Variants in FHIT observed in about 807,000 individuals in gnomAD.
FHIT encodes bis(5'-adenosyl)-triphosphatase.
Under a neutral mutation model 17.9 loss-of-function variants are expected in FHIT, and 19 were observed. That is an observed-to-expected ratio of 1.06 (90% CI 0.74 to 1.56). The LOEUF (loss-of-function observed/expected upper bound fraction) is 1.56, where lower values mean the gene tolerates loss of function less well. FHIT is among the 40% of genes most tolerant of loss of function. The pLI, the probability that FHIT is intolerant of heterozygous loss-of-function variation, is 0.00. For missense variants in FHIT, 248 were observed against 189.2 expected (o/e 1.31, Z -1.82); for synonymous variants, 81 against 69.7 (o/e 1.16, Z -0.81).
At chr3:60,930,038 C>T (rs1315086672) in intron 3 of FHIT, among the ~76,000 whole-genome samples, 4 of 152,128 alleles carry the variant, frequency 2.6e-5, no homozygotes, top group African/African-American at 9.7e-5. Flanking sequence ...TGGAACAGAA[C>T]AGAGCCCTCA....
intron 3 of FHIT, among the ~76,000 whole-genome samples, chr3:61,022,679 G>A (rs544152192): frequency 2.0e-5 from 3 of 152,324 alleles, no homozygotes; most frequent in Middle Eastern, 3.4e-3. Context: ...GGGATGCAAG[G>A]ATGGTTCAAT....
At chr3:61,014,785 A>AG (rs2031994297) in intron 3 of FHIT, among the ~76,000 whole-genome samples, 1 of 87,154 alleles carries the variant, frequency 1.1e-5, no homozygotes, top group African/African-American at 4.5e-5. Flanking sequence ...GCCTCAAAAA[A>AG]AAAAAAAAAA....
Position 60,428,570 on chromosome 3 carries a change from C to A in FHIT, c.103+108290G>T, listed in dbSNP as rs184223170. Among the ~76,000 whole-genome samples the A allele has an allele frequency of 1.4e-4, 21 of 152,228 alleles. No individual in the cohort carries two copies. The East Asian group carries it at 3.3e-3, about 24-fold the overall frequency. The stretch of plus-strand genomic sequence containing the variant: ...CCTTCTTTCTGTGAACACTGACTAC[C>A]ACATTCAGCAATAAACATTGATAAA... On this transcript the variant is annotated intron_variant, in intron 5 of 9. Coordinates refer to ENST00000492590, the MANE Select transcript of FHIT (RefSeq NM_002012.4).
Position 60,561,670 on chromosome 3 carries a change from T to C in FHIT, c.-17-24691A>G, listed in dbSNP as rs537719572. On this transcript the variant is annotated intron_variant, in intron 4 of 9. Coordinates refer to ENST00000492590, the MANE Select transcript of FHIT (RefSeq NM_002012.4). The stretch of plus-strand genomic sequence containing the variant: ...CTTTGTAGTTCTGACACCATTCAAA[T>C]AGAAATGGGAGCCAGAGATAGAAGG... Among the ~76,000 whole-genome samples, 4 of 152,220 alleles carry C rather than the reference T, an allele frequency of 2.6e-5. No individual in the cohort carries two copies. The South Asian group carries it at 6.2e-4, about 24-fold the overall frequency.
In FHIT at chr3:60,311,514, T is replaced by C. The variant is rs190226144; in HGVS notation, c.103+225346A>G. On this transcript the variant is annotated intron_variant, in intron 5 of 9. Coordinates refer to ENST00000492590, the MANE Select transcript of FHIT (RefSeq NM_002012.4). Reference sequence around the variant, plus strand: ...TGTGTTTTTCCAAACACAAGACTGCTTAATATTCTGAGTGTATATTAGGCA... The same window carrying C: ...TGTGTTTTTCCAAACACAAGACTGCCTAATATTCTGAGTGTATATTAGGCA... Among the ~76,000 whole-genome samples the C allele has an allele frequency of 1.3e-3, 192 of 152,344 alleles. 4 individuals carry two copies. Among genetic ancestry groups the C allele is most frequent in the Admixed American group, 0.011 (167 of 15,296 alleles).
At chr3:60,998,419 T>C (rs2030825704) in intron 3 of FHIT, among the ~76,000 whole-genome samples, 1 of 152,222 alleles carries the variant, frequency 6.6e-6, no homozygotes, top group Non-Finnish European at 1.5e-5. Context: ...ACTTTCTCAT[T>C]AAATGTTTGT....
chr3:60,293,403 A>G (rs1708073071), intron 5 of FHIT, among the ~76,000 whole-genome samples: 1 of 152,196 alleles, frequency 6.6e-6, no homozygotes, highest in African/African-American at 2.4e-5. Flanking sequence ...CAAGAAAAGA[A>G]GAGGAAAAAT....
At chr3:59,859,722 CAACAAACA>C (rs527551048) in intron 8 of FHIT, among the ~76,000 whole-genome samples, 53 of 152,094 alleles carry the variant, frequency 3.5e-4, no homozygotes, top group African/African-American at 1.3e-3. Flanking sequence ...CTCTGACTCT[CAACAAACA>C]AACAAACAAA....
chr3:59,995,352 C>T (rs1172876177), intron 7 of FHIT, among the ~76,000 whole-genome samples: 1 of 152,078 alleles, frequency 6.6e-6, no homozygotes, highest in Non-Finnish European at 1.5e-5. Context: ...CAACTCCTAG[C>T]TTTCACCTCT....
At chr3:60,413,672 GTA>G (rs927830604) in intron 5 of FHIT, among the ~76,000 whole-genome samples, 7 of 136,012 alleles carry the variant, frequency 5.1e-5, no homozygotes, top group East Asian at 2.2e-4. Flanking sequence ...GTGTGTGTGT[GTA>G]TGTGTATGTG....
chr3:60,531,524 C>T (rs554056913), intron 5 of FHIT, among the ~76,000 whole-genome samples: 68 of 152,156 alleles, frequency 4.5e-4, no homozygotes, highest in African/African-American at 1.5e-3. Flanking sequence ...GTGATCCGCC[C>T]GCCTCGGCCT....
At chr3:60,091,912 T>A (rs935480599) in intron 5 of FHIT, among the ~76,000 whole-genome samples, 1 of 152,134 alleles carries the variant, frequency 6.6e-6, no homozygotes, top group African/African-American at 2.4e-5. Context: ...CTTTTCTTTA[T>A]AAATTACCCA....
intron 2 of FHIT, among the ~76,000 whole-genome samples, chr3:61,093,443 C>A (rs1317202887): frequency 1.3e-5 from 2 of 152,092 alleles, no homozygotes; most frequent in Non-Finnish European, 2.9e-5. Context: ...GAAGCTCTTA[C>A]AATACAGATG....
intron 5 of FHIT, among the ~76,000 whole-genome samples, chr3:60,227,945 T>G (rs1704297097): frequency 2.0e-5 from 3 of 152,196 alleles, no homozygotes; most frequent in Admixed American, 2.0e-4. Flanking sequence ...ACTGGACATT[T>G]TTTAAGAACT....
chr3:60,757,587 T>G (rs907364969), intron 4 of FHIT, among the ~76,000 whole-genome samples: 1 of 152,116 alleles, frequency 6.6e-6, no homozygotes, highest in East Asian at 1.9e-4. Context: ...GTGAGGACAC[T>G]GAACTTAGCT....
At chr3:60,250,086 C>A (rs555406796) in intron 5 of FHIT, among the ~76,000 whole-genome samples, 2 of 151,524 alleles carry the variant, frequency 1.3e-5, no homozygotes, top group South Asian at 2.1e-4. Flanking sequence ...TGGGTAGGGA[C>A]ATAACCAAAC....
At chr3:60,694,717 T>C (rs1553700212) in intron 4 of FHIT, among the ~76,000 whole-genome samples, 3 of 152,108 alleles carry the variant, frequency 2.0e-5, no homozygotes, top group Non-Finnish European at 4.4e-5. Context: ...ATATACACAA[T>C]GGAATACTAT....
chr3:60,194,224 A>G (rs1702522698), intron 5 of FHIT, among the ~76,000 whole-genome samples: 1 of 152,200 alleles, frequency 6.6e-6, no homozygotes, highest in Non-Finnish European at 1.5e-5. Context: ...GCATGGTACT[A>G]GTATAAAAGT....
chr3:60,343,351 C>T (rs996183723), intron 5 of FHIT, among the ~76,000 whole-genome samples: 2 of 152,136 alleles, frequency 1.3e-5, no homozygotes, highest in African/African-American at 4.8e-5. Context: ...TAAAACACTC[C>T]CTAGCAGTCT....
Sources: gnomAD v4.1 joint callset for allele counts (sites outside exome capture counted in the v4.1 genomes callset) on GRCh38, gnomAD v4.1.1 for gene constraint, MANE v1.5 for transcripts, NCBI Gene and HGNC (gene_info 2026-07-23, HGNC 2026-07-21) for gene names.